The following MACROD2 variants were observed in gnomAD, a reference collection of about 807,000 sequenced individuals.
MACROD2 encodes ADP-ribose glycohydrolase MACROD2.
MACROD2 carries 36 observed loss-of-function variants against 70.4 expected under a neutral mutation model. The ratio of observed to expected loss-of-function variants is 0.51; its 90% confidence interval spans 0.39 to 0.68. The LOEUF (loss-of-function observed/expected upper bound fraction) is 0.68. MACROD2 is among the 30% of genes least tolerant of loss of function. The pLI is 0.00. For missense variants in MACROD2, 496 were observed against 538.4 expected, an observed-to-expected ratio of 0.92 and a Z score of 0.78; for synonymous variants, 172 against 178.8, an observed-to-expected ratio of 0.96 and a Z score of 0.30.
intron 5 of MACROD2, among the ~76,000 whole-genome samples, chr20:14,702,609 ATG>A (rs1466545112): frequency 1.2e-4 from 7 of 57,548 alleles, no homozygotes; most frequent in East Asian, 7.9e-4. Context: ...GTGTATATAT[ATG>A]TGTATATATA....
intron 5 of MACROD2, among the ~76,000 whole-genome samples, chr20:14,721,467 G>A (rs929421437): frequency 2.6e-5 from 4 of 152,044 alleles, no homozygotes; most frequent in Non-Finnish European, 5.9e-5. Context: ...ATCTAGATGT[G>A]TTTAAAATAA....
intron 3 of MACROD2, among the ~76,000 whole-genome samples, chr20:14,425,519 T>C (rs2083923522): frequency 6.6e-6 from 1 of 152,214 alleles, no homozygotes; most frequent in Non-Finnish European, 1.5e-5. Flanking sequence ...AATAATAGCA[T>C]TTATAGTTAT....
chr20:14,000,716 C>T (rs1000884153), intron 1 of MACROD2, among the ~76,000 whole-genome samples: 4 of 152,266 alleles, frequency 2.6e-5, no homozygotes, highest in Non-Finnish European at 4.4e-5. Context: ...AGGTGAAAAA[C>T]GAATGTAAAT....
At chr20:14,786,237 A>AGAGAGAGAGAGAGAG (rs1555830144) in intron 5 of MACROD2, among the ~76,000 whole-genome samples, 1 of 150,384 alleles carries the variant, frequency 6.6e-6, no homozygotes, top group African/African-American at 2.4e-5. Flanking sequence ...AGAGAGAGAG[A>AGAGAGAGAGAGAGAG]ATATGAGGGA....
intron 5 of MACROD2, among the ~76,000 whole-genome samples, chr20:14,816,609 T>C (rs1370636685): frequency 6.6e-6 from 1 of 152,140 alleles, no homozygotes; most frequent in East Asian, 1.9e-4. Flanking sequence ...GTGTGTGTTA[T>C]ACTCATACAT....
chr20:15,590,425 C>T (rs774157825), intron 8 of MACROD2, among the ~76,000 whole-genome samples: 12 of 152,290 alleles, frequency 7.9e-5, no homozygotes, highest in Non-Finnish European at 1.5e-4. Context: ...CTACTTAGAG[C>T]GATTTCTATA....
At chr20:16,024,514 G>GAC (rs918559866) in intron 15 of MACROD2, among the ~76,000 whole-genome samples, 8 of 112,528 alleles carry the variant, frequency 7.1e-5, no homozygotes, top group Non-Finnish European at 1.0e-4. Flanking sequence ...CACACACACA[G>GAC]ACACACACAC....
At chr20:15,485,376 G>GT (rs1305282854) in intron 7 of MACROD2, among the ~76,000 whole-genome samples, 2 of 152,144 alleles carry the variant, frequency 1.3e-5, no homozygotes, top group African/African-American at 4.8e-5. Flanking sequence ...TAAATGGATA[G>GT]TTATTTCTAC....
At chr20:14,044,245 GA>G (rs1343534451) in intron 2 of MACROD2, among the ~76,000 whole-genome samples, 1 of 151,570 alleles carries the variant, frequency 6.6e-6, no homozygotes, top group African/African-American at 2.4e-5. Flanking sequence ...GGTGCGTGTG[GA>G]GTTGTTTGTT....
rs1013054008 is a variant in MACROD2 at position 15,518,529 on chromosome 20, C to G, written c.645+18682C>G. On this transcript the variant is annotated intron_variant, in intron 8 of 17. Coordinates refer to ENST00000684519, the MANE Select transcript of MACROD2 (RefSeq NM_001351661.2). ...TTTTAGACCTAAATTTTGTGGGCCT[C>G]CATCTCTTTTTGCTTTCCCTTCAAC... Among the ~76,000 whole-genome samples, 27 of 152,100 alleles carry G rather than the reference C, an allele frequency of 1.8e-4. 1 individual carries two copies. The highest frequency in any genetic ancestry group is 6.5e-4 in the African/African-American group (27 of 41,378).
intron 8 of MACROD2, among the ~76,000 whole-genome samples, chr20:15,852,979 C>G (rs1439317011): frequency 6.6e-6 from 1 of 152,076 alleles, no homozygotes; most frequent in Non-Finnish European, 1.5e-5. Context: ...CCACTGCACT[C>G]CAGCCGGAAG....
At chr20:14,938,532 G>A (rs923602516) in intron 5 of MACROD2, among the ~76,000 whole-genome samples, 3 of 152,078 alleles carry the variant, frequency 2.0e-5, no homozygotes, top group Non-Finnish European at 4.4e-5. Flanking sequence ...TGTAATTCCA[G>A]CATTTTGGGA....
At chr20:14,520,845 AC>A (rs536898671) in intron 4 of MACROD2, among the ~76,000 whole-genome samples, 115 of 152,062 alleles carry the variant, frequency 7.6e-4, no homozygotes, top group African/African-American at 2.6e-3. Flanking sequence ...TGCTCTACTT[AC>A]CTCCTCCCTG....
chr20:15,984,101 TAAGA>T (rs1456818465), intron 13 of MACROD2, among the ~76,000 whole-genome samples: 3,634 of 147,438 alleles, frequency 0.025, 44 homozygotes, highest in Non-Finnish European at 0.038. Flanking sequence ...GACCATAAGG[TAAGA>T]TTTTATAGAC....
intron 3 of MACROD2, among the ~76,000 whole-genome samples, chr20:14,397,934 T>C (rs752896801): frequency 2.0e-5 from 3 of 149,344 alleles, no homozygotes; most frequent in African/African-American, 2.4e-5. Context: ...TCTTTCCTTC[T>C]ACTTCTGTGA....
At chr20:14,739,515 T>C (rs1279989903) in intron 5 of MACROD2, among the ~76,000 whole-genome samples, 1 of 149,848 alleles carries the variant, frequency 6.7e-6, no homozygotes, top group Non-Finnish European at 1.5e-5. Flanking sequence ...GTCTACACTT[T>C]GTTTATATAA....
At chr20:14,973,452 A>G (rs1434532052) in intron 5 of MACROD2, among the ~76,000 whole-genome samples, 2 of 151,972 alleles carry the variant, frequency 1.3e-5, no homozygotes, top group African/African-American at 4.8e-5. Flanking sequence ...CAAACTCTCA[A>G]CTTGAAGTGA....
chr20:14,136,791 A>G (rs112531898), intron 3 of MACROD2, among the ~76,000 whole-genome samples: 6 of 152,296 alleles, frequency 3.9e-5, no homozygotes, highest in South Asian at 2.1e-4. Context: ...CAAACCTTCT[A>G]TTCTCTTCCC....
chr20:15,156,271 G>A (rs536816812), intron 5 of MACROD2, among the ~76,000 whole-genome samples: 1 of 152,184 alleles, frequency 6.6e-6, no homozygotes, highest in Non-Finnish European at 1.5e-5. Context: ...GACCATCAGG[G>A]TAATACTACT....
Sources: gnomAD v4.1 joint callset for allele counts (sites outside exome capture counted in the v4.1 genomes callset) on GRCh38, gnomAD v4.1.1 for gene constraint, MANE v1.5 for transcripts, NCBI Gene and HGNC (gene_info 2026-07-23, HGNC 2026-07-21) for gene names.